Variants in CLYBL observed in about 807,000 individuals in gnomAD.
CLYBL encodes citramalyl-CoA lyase, also known as citramalyl-CoA lyase, mitochondrial.
In CLYBL, 31 loss-of-function variants were observed where a neutral mutation model predicts 38.9. That is an observed-to-expected ratio of 0.80 (90% CI 0.60 to 1.08). The LOEUF (loss-of-function observed/expected upper bound fraction) is 1.08, where lower values mean the gene tolerates loss of function less well. CLYBL is among the 50% of genes least tolerant of loss of function. The pLI is 0.00. For missense variants in CLYBL, 434 were observed against 411.6 expected (o/e 1.05, Z -0.47); for synonymous variants, 171 against 158.6 (o/e 1.08, Z -0.59).
At chr13:99,901,079 A>G (rs1050934267), downstream of CLYBL, among the ~76,000 whole-genome samples, 1 of 152,100 alleles carries the variant, frequency 6.6e-6, no homozygotes, top group African/African-American at 2.4e-5. Flanking sequence ...TGTCTGAGGG[A>G]AGAAGGCCCG....
intron 2 of CLYBL, among the ~76,000 whole-genome samples, chr13:99,818,758 C>A (rs1470602970): frequency 1.3e-5 from 2 of 152,120 alleles, no homozygotes; most frequent in Admixed American, 1.3e-4. Context: ...CAGCCCTTCC[C>A]TGGGCGTTTG....
At chr13:99,782,407 A>G (rs747231653) in intron 2 of CLYBL, among the ~76,000 whole-genome samples, 5 of 152,138 alleles carry the variant, frequency 3.3e-5, no homozygotes, top group Non-Finnish European at 7.3e-5. Context: ...CAGGAGGCTA[A>G]GACAGGAGAA....
intron 2 of CLYBL, among the ~76,000 whole-genome samples, chr13:99,844,462 C>T (rs1204479609): frequency 6.6e-6 from 1 of 152,220 alleles, no homozygotes; most frequent in Admixed American, 6.5e-5. Flanking sequence ...TGTATTTTGT[C>T]CCCAAGCCCC....
chr13:99,659,202 A>ATGTG (rs143623417), intron 1 of CLYBL, among the ~76,000 whole-genome samples: 2 of 150,672 alleles, frequency 1.3e-5, no homozygotes, highest in African/African-American at 2.5e-5. Context: ...CCTCTAAGCT[A>ATGTG]TGTGTGTGTG....
At chr13:99,882,895 C>G (rs1434995771) in intron 7 of CLYBL, among the ~76,000 whole-genome samples, 2 of 152,050 alleles carry the variant, frequency 1.3e-5, no homozygotes, top group African/African-American at 4.8e-5. Flanking sequence ...ATCTACCCTT[C>G]CCCTGGCGCC....
At chr13:99,700,195 G>A (rs1301585373) in intron 1 of CLYBL, among the ~76,000 whole-genome samples, 3 of 152,018 alleles carry the variant, frequency 2.0e-5, no homozygotes, top group African/African-American at 7.3e-5. Flanking sequence ...GCTCACACCT[G>A]TAATCTCAGC....
chr13:99,884,583 C>T (rs1298016167), intron 7 of CLYBL, among the ~76,000 whole-genome samples: 1 of 152,220 alleles, frequency 6.6e-6, no homozygotes, highest in Non-Finnish European at 1.5e-5. Context: ...TCATTTCTAT[C>T]ACTGTCTATT....
chr13:99,793,033 AACAC>A lies in CLYBL; in HGVS notation c.249+20055_249+20058del, dbSNP rs10631674. On this transcript the variant is annotated intron_variant, in intron 2 of 8. Coordinates refer to ENST00000339105, the MANE Select transcript of CLYBL (RefSeq NM_206808.5). The stretch of plus-strand genomic sequence containing the variant: ...TCTTCTTGTGCACATGTGCATACAT[AACAC>A]ACACACACACACACACACACACACA... Among the ~76,000 whole-genome samples the A allele has an allele frequency of 3.7e-3, 546 of 146,034 alleles. 4 individuals are homozygous for A. Among genetic ancestry groups the A allele is most frequent in the Middle Eastern group, 0.014 (4 of 288 alleles).
chr13:99,805,739 T>G (rs1317033427), intron 2 of CLYBL, among the ~76,000 whole-genome samples: 1 of 152,200 alleles, frequency 6.6e-6, no homozygotes, highest in South Asian at 2.1e-4. Context: ...TTTTTAATTT[T>G]TATTGCTTTT....
chr13:99,887,142 A>C (rs1302132610), intron 7 of CLYBL, among the ~76,000 whole-genome samples: 1 of 152,198 alleles, frequency 6.6e-6, no homozygotes, highest in African/African-American at 2.4e-5. Context: ...TCTCAACGTG[A>C]ATGTGCATTA....
At position 99,645,145 on chromosome 13, in the gene CLYBL, G is replaced by A. The variant is rs866276622; in HGVS notation, c.62+38388G>A. Among the ~76,000 whole-genome samples the A allele has an allele frequency of 2.6e-5, 4 of 152,132 alleles. No individual in the cohort carries two copies. In the South Asian group the frequency reaches 6.2e-4, roughly 24 times the overall value. Reference sequence around the variant, plus strand: ...AATTACATTCCCATTAACAGTGTACGATGGTTTCCTTTTTTCCATATCCTC... The same window carrying A: ...AATTACATTCCCATTAACAGTGTACAATGGTTTCCTTTTTTCCATATCCTC... On this transcript the variant is annotated intron_variant, in intron 1 of 8. Transcript: ENST00000339105.
At chr13:99,883,560 C>T (rs1303716960) in intron 7 of CLYBL, among the ~76,000 whole-genome samples, 1 of 151,792 alleles carries the variant, frequency 6.6e-6, no homozygotes, top group African/African-American at 2.4e-5. Context: ...TTTAAAATGT[C>T]ATCTCTCTTC....
intron 1 of CLYBL, among the ~76,000 whole-genome samples, chr13:99,609,160 CCTGT>C (rs1353238218): frequency 1.4e-5 from 2 of 142,306 alleles, no homozygotes; most frequent in African/African-American, 5.2e-5. Context: ...TGTCAATTGA[CCTGT>C]CTTTGTTTTT....
intron 1 of CLYBL, among the ~76,000 whole-genome samples, chr13:99,734,277 TA>T (rs2048633679): frequency 6.6e-6 from 1 of 152,118 alleles, no homozygotes; most frequent in Non-Finnish European, 1.5e-5. Flanking sequence ...CTGGGTTTTG[TA>T]TTTTAAAGAG....
At chr13:99,675,315 A>ATATGTGTATATACTT (rs2047627794) in intron 1 of CLYBL, among the ~76,000 whole-genome samples, 1 of 99,186 alleles carries the variant, frequency 1.0e-5, no homozygotes, top group Non-Finnish European at 2.3e-5. Context: ...TGTATGCCCT[A>ATATGTGTATATACTT]TATGTGTATA....
At chr13:99,830,673 A>G (rs1373978285) in intron 2 of CLYBL, among the ~76,000 whole-genome samples, 1 of 152,216 alleles carries the variant, frequency 6.6e-6, no homozygotes, top group Non-Finnish European at 1.5e-5. Context: ...TAGTCCAGGC[A>G]CTGTTCCTCT....
chr13:99,906,541 A>G (rs1246122811), intron 9 of CLYBL, among the ~76,000 whole-genome samples: 1 of 151,724 alleles, frequency 6.6e-6, no homozygotes, highest in Non-Finnish European at 1.5e-5. Context: ...CTCCTGTCTC[A>G]GCCTCCTGAG....
intron 1 of CLYBL, among the ~76,000 whole-genome samples, chr13:99,770,570 GCCTCC>G (rs1265715110): frequency 1.3e-5 from 2 of 152,144 alleles, no homozygotes; most frequent in East Asian, 3.9e-4. Flanking sequence ...GCCCGTCTCG[GCCTCC>G]CAAAGTGCTA....
Position 99,865,646 on chromosome 13 carries a change from C to T in CLYBL, c.635-594C>T, listed in dbSNP as rs186036725. On this transcript the variant is annotated intron_variant, in intron 5 of 8. Coordinates refer to ENST00000339105, the MANE Select transcript of CLYBL (RefSeq NM_206808.5). The surrounding 1 kb of genome is among the most constrained non-coding windows in gnomAD (Gnocchi z 4.7). ...TGAAAAAACTGAATTTATTTGAATA[C>T]GAGTCTTTCCAGGAGACTTGTGTAT... Among the ~76,000 whole-genome samples, 5 of 152,330 alleles carry T rather than the reference C, an allele frequency of 3.3e-5. No homozygotes were observed. The highest frequency in any genetic ancestry group is 1.9e-4 in the East Asian group (1 of 5,180).
Sources: gnomAD v4.1 joint callset for allele counts (sites outside exome capture counted in the v4.1 genomes callset) on GRCh38, gnomAD v4.1.1 for gene constraint, Gnocchi (gnomAD v3.1) non-coding constraint, MANE v1.5 for transcripts, NCBI Gene and HGNC (gene_info 2026-07-23, HGNC 2026-07-21) for gene names.